FAT3: variants seen among roughly 807,000 people sequenced by gnomAD.
The protein encoded by FAT3 is protocadherin Fat 3.
In FAT3, 95 loss-of-function variants were observed where a neutral mutation model predicts 310.2. The observed-to-expected ratio is 0.31, with a 90% CI of 0.26 to 0.36. FAT3 has a LOEUF of 0.36. Ranked by LOEUF, FAT3 falls within the 10% of genes least tolerant of loss-of-function variation. The pLI, the probability that FAT3 is intolerant of heterozygous loss-of-function variation, is 1.00. For synonymous variants in FAT3, 2,314 were observed against 2,192.9 expected (o/e 1.06, Z -1.54); for missense variants, 5,408 against 5,715.6 (o/e 0.95, Z 1.74).
intron 1 of FAT3, among the ~76,000 whole-genome samples, chr11:92,265,776 G>T (rs1320770451): frequency 6.6e-6 from 1 of 151,912 alleles, no homozygotes. Flanking sequence ...CAGCTCTCTG[G>T]TGCCTCTTTT....
chr11:92,748,788 C>G (rs945433899), intron 4 of FAT3: 1 of 152,186 alleles, frequency 6.6e-6, no homozygotes. Context: ...CAGTTTAATA[C>G]TGCCTTCTTT....
intron 2 of FAT3, among the ~76,000 whole-genome samples, chr11:92,379,586 G>A (rs1199521379): frequency 6.6e-6 from 1 of 152,136 alleles, no homozygotes; most frequent in Non-Finnish European, 1.5e-5. Context: ...ACCTTGGACT[G>A]GGACAATTCA....
At position 92,805,360 on chromosome 11, in the gene FAT3, G is replaced by T. The variant is rs780604301; in HGVS notation, c.9093+11G>T. On this transcript the variant is annotated intron_variant, in intron 11 of 27. Coordinates refer to ENST00000525166, the MANE Select transcript of FAT3 (RefSeq NM_001367949.2). Reference sequence around the variant, plus strand: ...CCAGTGTGTGATCAGGTGAGATTTGGGGATAGGGTTCTGCTTTTACTCTGC... The same window carrying T: ...CCAGTGTGTGATCAGGTGAGATTTGTGGATAGGGTTCTGCTTTTACTCTGC... The T allele has an allele frequency of 1.2e-6, 2 of 1,607,690 alleles. No homozygotes were observed. The highest frequency in any genetic ancestry group is 1.7e-6 in the Non-Finnish European group (2 of 1,176,186).
intron 2 of FAT3, among the ~76,000 whole-genome samples, chr11:92,407,865 C>CT (rs1950166032): frequency 6.6e-6 from 1 of 152,138 alleles, no homozygotes; most frequent in East Asian, 1.9e-4. Flanking sequence ...ATGGATGTCA[C>CT]TAATAAGGAG....
Position 92,227,923 on chromosome 11 carries a change from AT to A in FAT3, c.-18+2759del, listed in dbSNP as rs5793585. On this transcript the variant is annotated intron_variant, in intron 1 of 27. Transcript: ENST00000525166. ...GGTTGGAGTGGGGGAAGTTTTTTTTATTTTTTTTTTAACATTTTACAAGGAG... is the reference window on the plus strand; with the variant it reads ...GGTTGGAGTGGGGGAAGTTTTTTTTATTTTTTTTTAACATTTTACAAGGAG... Among the ~76,000 whole-genome samples, 11 of 149,188 alleles carry A rather than the reference AT, an allele frequency of 7.4e-5. No individual in the cohort carries two copies. The East Asian group carries it at 1.2e-3, about 16-fold the overall frequency.
At chr11:92,313,434 G>A (rs1947358249) in intron 1 of FAT3, among the ~76,000 whole-genome samples, 1 of 152,098 alleles carries the variant, frequency 6.6e-6, no homozygotes. Flanking sequence ...TGTTGTATTT[G>A]TATATTTCTC....
At chr11:92,503,211 A>C (rs1178519493) in intron 2 of FAT3, among the ~76,000 whole-genome samples, 1 of 152,146 alleles carries the variant, frequency 6.6e-6, no homozygotes, top group African/African-American at 2.4e-5. Flanking sequence ...ACTTGTGTCC[A>C]TAGATTTTGG....
At chr11:92,375,047 A>G (rs987497939) in intron 2 of FAT3, among the ~76,000 whole-genome samples, 1 of 152,156 alleles carries the variant, frequency 6.6e-6, no homozygotes, top group Non-Finnish European at 1.5e-5. Context: ...ACATGCGCAC[A>G]CACACACACA....
chr11:92,864,066 T>G (rs112179088), intron 21 of FAT3, among the ~76,000 whole-genome samples: 202 of 152,322 alleles, frequency 1.3e-3, no homozygotes, highest in African/African-American at 4.7e-3. Flanking sequence ...AAAAGCAAGC[T>G]TAACCGTGCC....
intron 3 of FAT3, among the ~76,000 whole-genome samples, chr11:92,619,068 C>T (rs1940960955): frequency 6.6e-6 from 1 of 152,122 alleles, no homozygotes; most frequent in African/African-American, 2.4e-5. Flanking sequence ...TAGATTTCAT[C>T]AAACTTTTTC....
chr11:92,312,920 G>GAAAAC (rs1055246426), intron 1 of FAT3, among the ~76,000 whole-genome samples: 8 of 152,126 alleles, frequency 5.3e-5, no homozygotes, highest in South Asian at 2.1e-4. Context: ...AAATTCTGGG[G>GAAAAC]AAAACAAAAC....
chr11:92,610,641 C>G (rs145061021), intron 3 of FAT3, among the ~76,000 whole-genome samples: 145 of 152,312 alleles, frequency 9.5e-4, no homozygotes, highest in African/African-American at 3.3e-3. Flanking sequence ...TCTGGCATCT[C>G]AGATCAGCTT....
chr11:92,322,022 C>G (rs919809729), intron 1 of FAT3, among the ~76,000 whole-genome samples: 1 of 152,052 alleles, frequency 6.6e-6, no homozygotes, highest in African/African-American at 2.4e-5. Context: ...CATTGAAAAC[C>G]TTGATTGCTG....
In FAT3 at chr11:92,512,627, ATT is replaced by A. The variant is rs1452741251; in HGVS notation, c.3293-12005_3293-12004del. 5.6e-4 allele frequency among the ~76,000 whole-genome samples: 83 copies of A among 147,022 alleles called. 1 individual carries two copies. The highest frequency in any genetic ancestry group is 1.9e-3 in the African/African-American group (77 of 40,294). On this transcript the variant is annotated intron_variant, in intron 2 of 27. Coordinates refer to ENST00000525166, the MANE Select transcript of FAT3 (RefSeq NM_001367949.2). ...TAATGTATAATATTAAAATATATAT[ATT>A]TAAAATATATATATATCTTGATTTC...
At chr11:92,796,602 G>C (rs1947180151) in intron 9 of FAT3, among the ~76,000 whole-genome samples, 1 of 152,148 alleles carries the variant, frequency 6.6e-6, no homozygotes, top group Admixed American at 6.5e-5. Flanking sequence ...GAAAAGTCCA[G>C]ATAGAGTTGA....
At chr11:92,507,706 A>ATACAACATATACATGTATATG (rs535696910) in intron 2 of FAT3, among the ~76,000 whole-genome samples, 2,330 of 151,884 alleles carry the variant, frequency 0.015, 65 homozygotes, top group African/African-American at 0.052. Flanking sequence ...ACATGTATAT[A>ATACAACATATACATGTATATG]TACAACATAT....
intron 2 of FAT3, among the ~76,000 whole-genome samples, chr11:92,384,401 C>T (rs375638928): frequency 5.9e-5 from 9 of 152,162 alleles, no homozygotes; most frequent in African/African-American, 2.2e-4. Context: ...AATTATATTT[C>T]TCATCGAGTT....
intron 3 of FAT3, among the ~76,000 whole-genome samples, chr11:92,581,183 A>G (rs1938777455): frequency 6.6e-6 from 1 of 152,034 alleles, no homozygotes; most frequent in Admixed American, 6.6e-5. Context: ...TACTAGGGTT[A>G]CAGAGCTTTG....
intron 2 of FAT3, among the ~76,000 whole-genome samples, chr11:92,359,770 A>G (rs1377732383): frequency 1.0e-3 from 149 of 142,918 alleles, no homozygotes; most frequent in Non-Finnish European, 1.7e-3. Context: ...GAGAATGATG[A>G]TTTCCAATTT....
Sources: gnomAD v4.1 joint callset for allele counts (sites outside exome capture counted in the v4.1 genomes callset) on GRCh38, gnomAD v4.1.1 for gene constraint, MANE v1.5 for transcripts, NCBI Gene and HGNC (gene_info 2026-07-23, HGNC 2026-07-21) for gene names.